Variants in CLCNKA observed in about 807,000 individuals in gnomAD.
The protein encoded by CLCNKA is chloride channel protein ClC-Ka.
A neutral mutation model predicts 83.3 loss-of-function variants in CLCNKA; 66 were observed. The ratio of observed to expected loss-of-function variants is 0.79; its 90% CI spans 0.65 to 0.97. The LOEUF (loss-of-function observed/expected upper bound fraction) is 0.97. CLCNKA is among the 50% of genes least tolerant of loss of function. The pLI is 0.00. For missense variants in CLCNKA, 806 were observed against 888.7 expected, an observed-to-expected ratio of 0.91 and a Z score of 1.18; for synonymous variants, 357 against 370.4, an observed-to-expected ratio of 0.96 and a Z score of 0.42.
At chr1:16,027,978 C>G (rs1184798643) in intron 9 of CLCNKA, 40 bp from the exon 10 acceptor site, 1 of 1,613,970 alleles carries the variant, frequency 6.2e-7, no homozygotes, top group African/African-American at 1.3e-5. Context: ...GCCCCTGGTA[C>G]TGGGGTCAGG....
intron 3 of CLCNKA, 79 bp downstream of exon 3, chr1:16,024,007 T>G: frequency 6.4e-7 from 1 of 1,559,346 alleles, no homozygotes; most frequent in Non-Finnish European, 8.8e-7. Flanking sequence ...GGCCACCAAG[T>G]GCAGCGGTGC....
At position 16,032,529 on chromosome 1, in the gene CLCNKA, A is replaced by G; in HGVS notation, c.1929+3A>G. 3.1e-6 allele frequency: 5 copies of G among 1,610,524 alleles called. No individual in the cohort carries two copies. The South Asian group carries it at 4.4e-5, about 14-fold the overall frequency. ...TCTCAGAGACCACCTTGCACCAGGT[A>G]ACAAGTATTGGGGAGTGTGACACAC... On this transcript the variant is annotated splice_donor_region_variant and intron_variant, in intron 18 of 19. Coordinates refer to ENST00000331433, the MANE Select transcript of CLCNKA (RefSeq NM_004070.4).
chr1:16,023,788 A>G lies in CLCNKA; in HGVS notation c.101-12A>G, dbSNP rs774087037. Reference sequence around the variant, plus strand: ...CCCCAACATAAGCTGGGACTCCGATACCCTGCCCCAGGTGGCCTGGAGTGG... The same window carrying G: ...CCCCAACATAAGCTGGGACTCCGATGCCCTGCCCCAGGTGGCCTGGAGTGG... On this transcript the variant is annotated splice_polypyrimidine_tract_variant and intron_variant, in intron 2 of 19. Transcript: ENST00000331433. The G allele has an allele frequency of 5.6e-6, 9 of 1,613,646 alleles. No individual in the cohort carries two copies. In the East Asian group the frequency reaches 2.0e-4, roughly 36 times the overall value.
chr1:16,029,614 G>A lies in CLCNKA; in HGVS notation c.1228-117G>A, dbSNP rs190952130. On this transcript the variant is annotated intron_variant, in intron 12 of 19. Coordinates refer to ENST00000331433, the MANE Select transcript of CLCNKA (RefSeq NM_004070.4). Reference sequence around the variant, plus strand: ...CTAATGCCAGACTCTGGCAGTGGGTGCATGGCTGGCACCCTCTTTCTATCT... The same window carrying A: ...CTAATGCCAGACTCTGGCAGTGGGTACATGGCTGGCACCCTCTTTCTATCT... 248 of 1,331,830 alleles carry A rather than the reference G, an allele frequency of 1.9e-4. No homozygotes were observed. In the African/African-American group the frequency reaches 3.0e-3, roughly 16 times the overall value. The allele number at this position is 1,331,830 out of a possible 1,614,324, so 82.5% of individuals were successfully genotyped here.
At chr1:16,028,600 G>A in intron 10 of CLCNKA, 161 bp from the exon 11 acceptor site, 1 of 860,462 alleles carries the variant, frequency 1.2e-6, no homozygotes, top group Admixed American at 1.9e-5. Context: ...CCGCTGGAGG[G>A]GGCCATGTTC....
rs371990252 is a variant in CLCNKA at position 16,031,680 on chromosome 1, G to A, written c.1623-30G>A. 6.0e-5 allele frequency: 96 copies of A among 1,613,340 alleles called. No individual in the cohort carries two copies. In the African/African-American group the frequency reaches 9.5e-4, roughly 16 times the overall value. ...GCCTGGGTCTGACATCCCCGACTCCGGGACCTGATGGGAGCCCCTCTGCCT... is the reference window on the plus strand; with the variant it reads ...GCCTGGGTCTGACATCCCCGACTCCAGGACCTGATGGGAGCCCCTCTGCCT... On this transcript the variant is annotated intron_variant, in intron 15 of 19. Coordinates refer to ENST00000331433, the MANE Select transcript of CLCNKA (RefSeq NM_004070.4).
Position 16,026,862 on chromosome 1 carries a change from G to A in CLCNKA, c.655+87G>A. ...CTCCCTCGGCCCAGCTGAGAGCCTG[G>A]AGGAGGGGATGGGGCTCATTCTTGT... On this transcript the variant is annotated intron_variant, in intron 7 of 19. Transcript: ENST00000331433. The A allele has an allele frequency of 2.0e-6, 3 of 1,538,000 alleles. No homozygotes were observed. In the South Asian group the frequency reaches 3.4e-5, roughly 17 times the overall value.
intron 18 of CLCNKA, 41 bp from the exon 19 acceptor site, chr1:16,033,129 G>T (rs368110943): frequency 1.9e-6 from 3 of 1,595,862 alleles, no homozygotes; most frequent in Non-Finnish European, 2.6e-6. Context: ...TGGGCTGGGC[G>T]CCATCTACCC....
intron 4 of CLCNKA, among the ~76,000 whole-genome samples, chr1:16,025,641 C>T (rs1298517644): frequency 4.6e-5 from 7 of 151,796 alleles, no homozygotes; most frequent in Non-Finnish European, 7.4e-5. Context: ...GAGCCGAGAT[C>T]GAACCACTGC....
Position 16,031,783 on chromosome 1 carries a change from G to T in CLCNKA, c.1696G>T (p.Glu566Ter). The T allele has an allele frequency of 6.2e-7, 1 of 1,613,992 alleles. No homozygotes were observed. The highest frequency in any genetic ancestry group is 8.5e-7 in the Non-Finnish European group (1 of 1,180,042). The change falls in exon 16 of 20, where the codon GAG becomes TAG. Residue 566 changes from glutamate to a stop codon, truncating the protein, a stop_gained. Coordinates refer to ENST00000331433, the MANE Select transcript of CLCNKA (RefSeq NM_004070.4). LOFTEE classifies it high-confidence loss of function. ...ACTGGCCAAGGACACGCCGCTGGAG[G>T]AGGTGGTCAAGGTTGTGACCTCCAC... ...TTLAKDTPLEEVVKVVTSTDV... is the reference protein window; with the variant it reads ...TTLAKDTPLE
intron 3 of CLCNKA, among the ~76,000 whole-genome samples, chr1:16,024,210 C>T (rs1398335456): frequency 6.6e-6 from 1 of 152,260 alleles, no homozygotes. Context: ...CCTTCTCCTT[C>T]CCTCCTCCGT....
Position 16,029,791 on chromosome 1 carries a change from T to A in CLCNKA, c.1288T>A (p.Phe430Ile). The change falls in exon 13 of 20, where the codon TTT becomes ATT. Residue 430 changes from phenylalanine (F) to isoleucine (I), a missense_variant. Phe to Ile is a conservative substitution (Grantham distance 21). Transcript: ENST00000331433. ...GCCTGCCGGGTACTTCATGCCCATC[T>A]TTATCCTTGGTGAGTCTGGGGTCCT... is the stretch of plus-strand genomic sequence containing the variant. ...PMPAGYFMPIFILGAAIGRLL... is the reference protein window; with the variant it reads ...PMPAGYFMPIIILGAAIGRLL... The A allele has an allele frequency of 6.2e-7, 1 of 1,614,162 alleles. No individual in the cohort carries two copies. The highest frequency in any genetic ancestry group is 8.5e-7 in the Non-Finnish European group (1 of 1,180,022).
At position 16,033,456 on chromosome 1, in the gene CLCNKA, C is replaced by T. The variant is rs12746443; in HGVS notation, c.2017-155C>T. Among the ~76,000 whole-genome samples, 13,502 of 152,160 alleles carry T rather than the reference C, an allele frequency of 0.089. 694 individuals carry two copies. Among genetic ancestry groups the T allele is most frequent in the Non-Finnish European group, 0.1 (6,992 of 67,998 alleles). On this transcript the variant is annotated intron_variant, in intron 19 of 19. Coordinates refer to ENST00000331433, the MANE Select transcript of CLCNKA (RefSeq NM_004070.4). ...TGTTTTCTGGCCAGTGGCCAGCCTG[C>T]CCTTCTCGGCCTCAGTGATCCCATC...
At chr1:16,032,078 A>G (rs542726473) in intron 16 of CLCNKA, 125 bp from the exon 17 acceptor site, 1 of 1,181,696 alleles carries the variant, frequency 8.5e-7, no homozygotes, top group African/African-American at 1.5e-5. Flanking sequence ...GGGTGCTTGT[A>G]AGGCAGTCCC....
In CLCNKA at chr1:16,032,457, C is replaced by T. The variant is rs148332058; in HGVS notation, c.1860C>T (p.Asp620=). The part of the protein sequence containing the change: ...RAPGHQQCLQ[D]ILARGCPTEP... The stretch of plus-strand genomic sequence containing the variant: ...CCCACTCCCAGCAGTGTCTCCAGGA[C>T]ATCTTGGCCAGGGGCTGCCCCACGG... The change falls in exon 18 of 20, where the codon GAC becomes GAT. Residue 620 remains aspartate, a synonymous_variant. Transcript: ENST00000331433. The T allele has an allele frequency of 8.1e-6, 13 of 1,613,072 alleles. No individual in the cohort carries two copies. Among genetic ancestry groups the T allele is most frequent in the South Asian group, 2.2e-5 (2 of 91,076 alleles).
At chr1:16,033,466 C>T (rs879924909) in intron 19 of CLCNKA, 145 bp from the exon 20 acceptor site, 48 of 911,614 alleles carry the variant, frequency 5.3e-5, no homozygotes, top group Non-Finnish European at 8.0e-5. Context: ...CCCTTCTCGG[C>T]CTCAGTGATC....
chr1:16,030,396 T>A, intron 14 of CLCNKA, 65 bp from the exon 15 acceptor site: 1 of 1,585,652 alleles, frequency 6.3e-7, no homozygotes, highest in South Asian at 1.1e-5. Context: ...GGCTAGTTAT[T>A]CCCTCACATC....
chr1:16,032,798 G>A (rs1570314111), intron 18 of CLCNKA, among the ~76,000 whole-genome samples: 1 of 152,248 alleles, frequency 6.6e-6, no homozygotes, highest in Non-Finnish European at 1.5e-5. Context: ...GCACACGTGC[G>A]TTTCAATTTC....
chr1:16,032,585 A>G, intron 18 of CLCNKA, 59 bp downstream of exon 18: 1 of 1,313,292 alleles, frequency 7.6e-7, no homozygotes, highest in Non-Finnish European at 1.1e-6. Flanking sequence ...AGAGCTGATG[A>G]GGAGCTCAGG....
Sources: gnomAD v4.1 joint callset for allele counts (sites outside exome capture counted in the v4.1 genomes callset) on GRCh38, gnomAD v4.1.1 for gene constraint, MANE v1.5 for transcripts, NCBI Gene and HGNC (gene_info 2026-07-23, HGNC 2026-07-21) for gene names.